The following BACE2 variants were observed in gnomAD, a reference collection of about 807,000 sequenced individuals.
BACE2 encodes the protein 56 kDa aspartic-like protease.
Under a neutral mutation model 46.2 loss-of-function variants are expected in BACE2, and 17 were observed. The ratio of observed to expected loss-of-function variants is 0.37; its 90% CI spans 0.25 to 0.55. BACE2 has a LOEUF of 0.55. BACE2 is among the 20% of genes least tolerant of loss of function. The pLI is 0.82. For synonymous variants in BACE2, 277 were observed against 295.9 expected (o/e 0.94, Z 0.66); for missense variants, 595 against 698.1 (o/e 0.85, Z 1.66).
chr21:41,199,417 C>G (rs990197647), intron 1 of BACE2, among the ~76,000 whole-genome samples: 12 of 152,174 alleles, frequency 7.9e-5, no homozygotes, highest in African/African-American at 2.6e-4. Flanking sequence ...CTGCAAGATG[C>G]TGAGGATGCT....
chr21:41,238,977 A>AAAG (rs1987212434), intron 3 of BACE2, among the ~76,000 whole-genome samples: 1 of 150,634 alleles, frequency 6.6e-6, no homozygotes, highest in Non-Finnish European at 1.5e-5. Context: ...AAAAAAAAAA[A>AAAG]AAGAACTGCA....
At chr21:41,255,194 C>T (rs1036582293) in intron 7 of BACE2, among the ~76,000 whole-genome samples, 7 of 152,212 alleles carry the variant, frequency 4.6e-5, no homozygotes, top group Non-Finnish European at 1.0e-4. Flanking sequence ...TTACAGGTTA[C>T]ACGGGAAATG....
chr21:41,222,500 G>A (rs904551621), intron 1 of BACE2, among the ~76,000 whole-genome samples: 10 of 152,380 alleles, frequency 6.6e-5, no homozygotes, highest in Middle Eastern at 3.4e-3. Flanking sequence ...CCTGGGGGAT[G>A]TCTGGGGCTT....
Position 41,279,377 on chromosome 21 carries a change from C to T in BACE2, c.*3753C>T, listed in dbSNP as rs181047187. On this transcript the variant is annotated 3_prime_UTR_variant, in exon 9 of 9. Transcript: ENST00000330333. Reference sequence around the variant, plus strand: ...TTGGGAGGCCGAGGCAGGTGGATCACCTGAGGTCAGGAGTTTGAGACCAGC... The same window carrying T: ...TTGGGAGGCCGAGGCAGGTGGATCATCTGAGGTCAGGAGTTTGAGACCAGC... 6.6e-6 allele frequency: 1 copy of T among 152,252 alleles called. No homozygotes were observed. Among genetic ancestry groups the T allele is most frequent in the East Asian group, 1.9e-4 (1 of 5,162 alleles). The allele number at this position is 152,252 out of a possible 1,614,324, so 9.4% of individuals were successfully genotyped here.
At position 41,221,866 on chromosome 21, in the gene BACE2, T is replaced by A. The variant is rs1257888446; in HGVS notation, c.313-4400T>A. Among the ~76,000 whole-genome samples, 3 of 149,590 alleles carry A rather than the reference T, an allele frequency of 2.0e-5. No individual in the cohort carries two copies. In the East Asian group the frequency reaches 5.9e-4, roughly 29 times the overall value. On this transcript the variant is annotated intron_variant, in intron 1 of 8. Transcript: ENST00000330333. ...AAAAAAAAAAAGTGTCAGTGTCTAC[T>A]GTGTGCCTGGCCCTGTTACAGGCAT...
rs2123477825 is a variant in BACE2 at position 41,168,479 on chromosome 21, G to A, written c.216G>A (p.Ala72=). 1 of 1,367,662 alleles carries A rather than the reference G, an allele frequency of 7.3e-7. No homozygotes were observed. Among genetic ancestry groups the A allele is most frequent in the Non-Finnish European group, 9.5e-7 (1 of 1,054,558 alleles). 84.7% of individuals were successfully genotyped at this position (1,367,662 alleles called of 1,614,324 possible). A position where few individuals can be genotyped will look rare whatever the true frequency, so the allele number is the denominator to read the frequency against. The change falls in exon 1 of 9, where the codon GCG becomes GCA. Residue 72 remains alanine (A), a synonymous_variant. Transcript: ENST00000330333. ...TGGAGCCTGCCCTGGCGTCCCCCGC[G>A]GGCGCCGCCAACTTCTTGGCCATGG... is the stretch of plus-strand genomic sequence containing the variant. ...LALEPALASP[A]GAANFLAMVD...
intron 1 of BACE2, among the ~76,000 whole-genome samples, chr21:41,219,140 C>T (rs1484600474): frequency 6.6e-6 from 1 of 152,300 alleles, no homozygotes. Context: ...GGATTACAGG[C>T]GTGAGCCACC....
At chr21:41,225,879 A>G (rs189117346) in intron 1 of BACE2, among the ~76,000 whole-genome samples, 86 of 152,220 alleles carry the variant, frequency 5.6e-4, no homozygotes, top group Non-Finnish European at 9.6e-4. Context: ...TTTCCAGGCG[A>G]GATTTGGAAA....
chr21:41,274,965 TCTC>T (rs1243435782), intron 8 of BACE2, among the ~76,000 whole-genome samples: 1 of 151,978 alleles, frequency 6.6e-6, no homozygotes, highest in Non-Finnish European at 1.5e-5. Context: ...TGCGGTAAAT[TCTC>T]CTTCTCTTTC....
intron 1 of BACE2, chr21:41,181,326 G>T (rs923492471): frequency 6.0e-6 from 1 of 167,238 alleles, no homozygotes; most frequent in Middle Eastern, 3.4e-3. Flanking sequence ...ATACTTCATT[G>T]CCAGGTTGGG....
chr21:41,260,278 G>A (rs1000465069), intron 8 of BACE2, among the ~76,000 whole-genome samples: 1 of 151,970 alleles, frequency 6.6e-6, no homozygotes, highest in Non-Finnish European at 1.5e-5. Context: ...CCAAGTACCT[G>A]GGACTATAGC....
At chr21:41,168,923 G>T (rs892744983) in intron 1 of BACE2, among the ~76,000 whole-genome samples, 1 of 152,160 alleles carries the variant, frequency 6.6e-6, no homozygotes. Flanking sequence ...AGCGGGAGAC[G>T]GAGCGGTGGG....
At chr21:41,178,973 G>A (rs1408206353) in intron 1 of BACE2, 5 of 691,152 alleles carry the variant, frequency 7.2e-6, no homozygotes, top group African/African-American at 1.9e-5. Context: ...CTCTGAGGAG[G>A]TGCAATTTGA....
rs373154219 is a variant in BACE2, at chr21:41,237,734, G to A, written c.618+5G>A. On this transcript the variant is annotated splice_donor_5th_base_variant and intron_variant, in intron 3 of 8. Transcript: ENST00000330333. The stretch of plus-strand genomic sequence containing the variant: ...GCTTATGCCACACTTGCCAAGGTAA[G>A]GCTAATCCATGGATTTAAGGAAATC... 4.1e-5 allele frequency: 66 copies of A among 1,609,024 alleles called. No homozygotes were observed. The highest frequency in any genetic ancestry group is 5.4e-5 in the Non-Finnish European group (64 of 1,175,544).
Position 41,207,921 on chromosome 21 carries a change from C to T in BACE2, c.313-18345C>T, listed in dbSNP as rs550169521. ...AAGCAGCCAGTGCTCTCAGCTGGGA[C>T]ACCCTGTCTTCAGGCATGCTGCTCT... is the stretch of plus-strand genomic sequence containing the variant. On this transcript the variant is annotated intron_variant, in intron 1 of 8. Transcript: ENST00000330333. Among the ~76,000 whole-genome samples the T allele has an allele frequency of 2.6e-4, 40 of 152,370 alleles. 1 individual carries two copies. In the South Asian group the frequency reaches 8.1e-3, roughly 31 times the overall value.
intron 1 of BACE2, chr21:41,180,703 C>CAG (rs1985090127): frequency 6.0e-6 from 1 of 167,100 alleles, no homozygotes; most frequent in Non-Finnish European, 1.5e-5. Context: ...GATGGTTGAC[C>CAG]AGATATAGTT....
intron 1 of BACE2, among the ~76,000 whole-genome samples, chr21:41,209,995 C>A (rs567708388): frequency 1.3e-5 from 2 of 152,066 alleles, no homozygotes; most frequent in Admixed American, 1.3e-4. Context: ...CAGGGAGGTC[C>A]CCCTTCCCCC....
At chr21:41,261,741 A>G (rs1987941784) in intron 8 of BACE2, among the ~76,000 whole-genome samples, 1 of 152,036 alleles carries the variant, frequency 6.6e-6, no homozygotes, top group South Asian at 2.1e-4. Context: ...TTATATAAGG[A>G]CGTTCCATTT....
chr21:41,246,190 A>G, intron 6 of BACE2, 127 bp downstream of exon 6: 1 of 539,766 alleles, frequency 1.9e-6, no homozygotes, highest in Non-Finnish European at 3.2e-6. Flanking sequence ...CATATTGTGT[A>G]TTTGTATATT....
Sources: gnomAD v4.1 joint callset for allele counts (sites outside exome capture counted in the v4.1 genomes callset) on GRCh38, gnomAD v4.1.1 for gene constraint, MANE v1.5 for transcripts, NCBI Gene and HGNC (gene_info 2026-07-23, HGNC 2026-07-21) for gene names.